The following DSC2 variants were observed in gnomAD, a reference collection of about 807,000 sequenced individuals.
The protein encoded by DSC2 is desmocollin-2.
A neutral mutation model predicts 87.6 loss-of-function variants in DSC2; 51 were observed. The observed-to-expected ratio is 0.58, with a 90% CI of 0.46 to 0.74. The LOEUF is 0.74. DSC2 is among the 30% of genes least tolerant of loss of function. DSC2 has a pLI of 0.00. For missense variants in DSC2, 1,066 were observed against 1,089.5 expected (o/e 0.98, Z 0.30); for synonymous variants, 383 against 393.2 (o/e 0.97, Z 0.31).
At position 31,065,212 on chromosome 18, in the gene DSC2, A is replaced by T. The variant is rs1263935621; in HGVS notation, c.*2803T>A. The T allele has an allele frequency of 6.6e-6, 1 of 152,260 alleles. No individual in the cohort carries two copies. The highest frequency in any genetic ancestry group is 1.9e-4 in the East Asian group (1 of 5,182). The allele number at this position is 152,260 out of a possible 1,614,324, so 9.4% of individuals were successfully genotyped here. A position where few individuals can be genotyped will look rare whatever the true frequency, so the allele number is the denominator to read the frequency against. The stretch of plus-strand genomic sequence containing the variant: ...ATGAGCCATGAAATTCCCAAAGGCC[A>T]TCACTGGTGAAATACTGGTCGGGCT... On this transcript the variant is annotated 3_prime_UTR_variant, in exon 16 of 16. Transcript: ENST00000280904.
chr18:31,071,300 A>T (rs1598572871), intron 13 of DSC2, among the ~76,000 whole-genome samples: 1 of 152,090 alleles, frequency 6.6e-6, no homozygotes, highest in East Asian at 1.9e-4. Flanking sequence ...TAATCCCAGC[A>T]CTTTGAGAGG....
Position 31,066,831 on chromosome 18 carries a change from A to C in DSC2, c.*1184T>G, listed in dbSNP as rs1986635389. The C allele has an allele frequency of 6.6e-6, 1 of 152,116 alleles. No homozygotes were observed. The highest frequency in any genetic ancestry group is 6.6e-5 in the Admixed American group (1 of 15,260). 9.4% of individuals were successfully genotyped at this position (152,116 alleles called of 1,614,324 possible). A position where few individuals can be genotyped will look rare whatever the true frequency, so the allele number is the denominator to read the frequency against. ...ATTTTATCTAAGTTATAAAATAGTT[A>C]CCCCAGGGAGCCTTCAAGATCCCTA... On this transcript the variant is annotated 3_prime_UTR_variant, in exon 16 of 16. Coordinates refer to ENST00000280904, the MANE Select transcript of DSC2 (RefSeq NM_024422.6).
rs1476161781 is a variant in DSC2, at chr18:31,070,857, GAAGA to G, written c.2126-11_2126-8del. On this transcript the variant is annotated splice_polypyrimidine_tract_variant and splice_region_variant and intron_variant, in intron 13 of 15. Coordinates refer to ENST00000280904, the MANE Select transcript of DSC2 (RefSeq NM_024422.6). ...ACCAGCGTAAACAGGATGCCTGGAG[GAAGA>G]AAGAAATATACTTGAGTTTATCATA... 6 of 1,613,324 alleles carry G rather than the reference GAAGA, an allele frequency of 3.7e-6. No individual in the cohort carries two copies. In the African/African-American group the frequency reaches 8.0e-5, roughly 22 times the overall value.
intron 7 of DSC2, among the ~76,000 whole-genome samples, chr18:31,086,356 A>T (rs1027983110): frequency 6.6e-5 from 10 of 152,354 alleles, no homozygotes; most frequent in African/African-American, 2.2e-4. Context: ...TTATATCAGG[A>T]AATCTGATTG....
At chr18:31,074,432 TGTGTG>T (rs1986938174) in intron 12 of DSC2, among the ~76,000 whole-genome samples, 1 of 26,712 alleles carries the variant, frequency 3.7e-5, no homozygotes, top group African/African-American at 2.1e-4. Context: ...TGTGTGTGTG[TGTGTG>T]TGTGTGTGTG....
chr18:31,097,654 C>G (rs1045941212), intron 1 of DSC2, among the ~76,000 whole-genome samples: 5 of 151,742 alleles, frequency 3.3e-5, no homozygotes, highest in Non-Finnish European at 7.4e-5. Context: ...AAAATCTCAA[C>G]AATTAAATCA....
Position 31,089,554 on chromosome 18 carries a change from G to A in DSC2, c.515C>T (p.Ser172Phe), listed in dbSNP as rs754328254. ...DTAQNYTIYY[S>F]IRGPGVDQEP... ...TTGGTCAACTCCAGGACCTCTTATG[G>A]AATAGTATATGGTATAGTTTTGGGC... is the stretch of plus-strand genomic sequence containing the variant. Residue 172 changes from serine to phenylalanine, a missense_variant, in exon 5 of 16, where the codon TCC (serine) becomes TTC (phenylalanine). Ser to Phe is a radical substitution (Grantham distance 155, BLOSUM62 -2). Transcript: ENST00000280904. The A allele has an allele frequency of 6.2e-7, 1 of 1,613,870 alleles. No individual in the cohort carries two copies. The highest frequency in any genetic ancestry group is 1.1e-5 in the South Asian group (1 of 91,076).
chr18:31,076,274 A>G (rs1987014985), intron 11 of DSC2, among the ~76,000 whole-genome samples: 1 of 152,182 alleles, frequency 6.6e-6, no homozygotes, highest in African/African-American at 2.4e-5. Context: ...TAGGCCACCA[A>G]GTTAAGAACT....
At chr18:31,088,439 C>T (rs1987478046) in intron 5 of DSC2, among the ~76,000 whole-genome samples, 1 of 152,098 alleles carries the variant, frequency 6.6e-6, no homozygotes, top group Non-Finnish European at 1.5e-5. Flanking sequence ...TAACAGCTAT[C>T]ATAGAAAGGC....
intron 1 of DSC2, among the ~76,000 whole-genome samples, chr18:31,100,638 A>T (rs1249031356): frequency 6.6e-6 from 1 of 152,228 alleles, no homozygotes; most frequent in Non-Finnish European, 1.5e-5. Context: ...TTACCAATTC[A>T]TGATTGTAAA....
intron 7 of DSC2, among the ~76,000 whole-genome samples, chr18:31,085,402 G>A (rs573237621): frequency 4.6e-5 from 7 of 151,826 alleles, no homozygotes; most frequent in Admixed American, 3.9e-4. Flanking sequence ...AAGAAAAAGT[G>A]TAACAATTTT....
chr18:31,097,437 C>T (rs1598595294), intron 1 of DSC2, among the ~76,000 whole-genome samples: 1 of 151,492 alleles, frequency 6.6e-6, no homozygotes, highest in East Asian at 1.9e-4. Context: ...AAAAGAAAGA[C>T]AAAAATCAAC....
At chr18:31,077,657 G>A (rs2144807338) in intron 11 of DSC2, among the ~76,000 whole-genome samples, 1 of 152,118 alleles carries the variant, frequency 6.6e-6, no homozygotes, top group African/African-American at 2.4e-5. Context: ...TTTATTCATT[G>A]GAATGTCAGC....
rs1328164620 is a variant in DSC2, at chr18:31,082,993, G to C, written c.1010C>G (p.Thr337Arg). Residue 337 changes from threonine (T) to arginine (R), a missense_variant, in exon 8 of 16, where the codon ACA (threonine) becomes AGA (arginine). Transcript: ENST00000280904. Reference protein sequence around the residue: ...DMDGQYFGLQTTSTCIINIDD... With the variant: ...DMDGQYFGLQRTSTCIINIDD... ...AATGTTAATGATACAAGTTGAAGTT[G>C]TCTGTAGACCAAAATACTGACCATC... The C allele has an allele frequency of 6.2e-7, 1 of 1,613,518 alleles. No individual in the cohort carries two copies. The highest frequency in any genetic ancestry group is 1.1e-5 in the South Asian group (1 of 91,042).
chr18:31,095,037 C>T (rs191808769), intron 1 of DSC2, among the ~76,000 whole-genome samples: 1 of 152,194 alleles, frequency 6.6e-6, no homozygotes, highest in East Asian at 1.9e-4. Context: ...TAATAAGAAG[C>T]AAAAGAAATA....
intron 7 of DSC2, 48 bp from the exon 8 acceptor site, chr18:31,083,108 A>G (rs1169426300): frequency 6.3e-7 from 1 of 1,586,702 alleles, no homozygotes; most frequent in Non-Finnish European, 8.6e-7. Context: ...CACCAACATT[A>G]TAATTGAAAT....
chr18:31,067,439 C>T lies in DSC2; in HGVS notation c.*576G>A, dbSNP rs907628221. The T allele has an allele frequency of 6.5e-6, 1 of 152,706 alleles. No homozygotes were observed. The highest frequency in any genetic ancestry group is 1.5e-5 in the Non-Finnish European group (1 of 68,532). 9.5% of individuals were successfully genotyped at this position (152,706 alleles called of 1,614,324 possible). A position where few individuals can be genotyped will look rare whatever the true frequency, so the allele number is the denominator to read the frequency against. On this transcript the variant is annotated 3_prime_UTR_variant, in exon 16 of 16. Coordinates refer to ENST00000280904, the MANE Select transcript of DSC2 (RefSeq NM_024422.6). ...CAGATTCAGTGCAGGATTTTATATACAATAAAACCTAAAACTAAACTCCAC... is the reference window on the plus strand; with the variant it reads ...CAGATTCAGTGCAGGATTTTATATATAATAAAACCTAAAACTAAACTCCAC...
At chr18:31,074,040 G>C (rs558386896) in intron 12 of DSC2, among the ~76,000 whole-genome samples, 1 of 152,266 alleles carries the variant, frequency 6.6e-6, no homozygotes, top group Admixed American at 6.5e-5. Flanking sequence ...TTTTGCCATG[G>C]GCAGCCCACA....
chr18:31,093,996 C>A (rs1256666698), intron 1 of DSC2, among the ~76,000 whole-genome samples: 1 of 151,960 alleles, frequency 6.6e-6, no homozygotes, highest in African/African-American at 2.4e-5. Flanking sequence ...CTTCCTCCTG[C>A]AAAAAGCTTG....
Sources: allele counts gnomAD v4.1 joint callset (sites outside exome capture counted in the v4.1 genomes callset), GRCh38; gene constraint gnomAD v4.1.1; transcripts MANE v1.5; gene names NCBI Gene and HGNC (gene_info 2026-07-23, HGNC 2026-07-21).